The following S100A8 variants were observed in gnomAD, a reference collection of about 807,000 sequenced individuals.
S100A8 encodes protein S100-A8.
Under a neutral mutation model 4.2 loss-of-function variants are expected in S100A8, and 1 was observed. The observed-to-expected ratio is 0.24, with a 90% CI of 0.08 to 1.12. The LOEUF (loss-of-function observed/expected upper bound fraction) is 1.12, where lower values mean the gene tolerates loss of function less well. S100A8 is among the 50% of genes most tolerant of loss of function. The pLI is 0.53. For synonymous variants in S100A8, 41 were observed against 44.7 expected (o/e 0.92, Z 0.33); for missense variants, 96 against 111.8 (o/e 0.86, Z 0.64).
chr1:153,401,622 G>T, the S100A8 span, among the ~76,000 whole-genome samples: 2 of 152,284 alleles, frequency 1.3e-5, no homozygotes, highest in East Asian at 3.9e-4. Flanking sequence ...AAGGAGTAGC[G>T]CTTTCTGGTG....
At chr1:153,397,155 A>C in the S100A8 span, among the ~76,000 whole-genome samples, 1 of 152,240 alleles carries the variant, frequency 6.6e-6, no homozygotes, top group Non-Finnish European at 1.5e-5. Flanking sequence ...GAAACACCCC[A>C]GCCAGGGCTT....
chr1:153,403,019 A>G, the S100A8 span, among the ~76,000 whole-genome samples: 2 of 152,242 alleles, frequency 1.3e-5, no homozygotes, highest in Admixed American at 6.5e-5. Context: ...AAGCTTTTCA[A>G]TACATTTTAC....
chr1:153,400,374 C>G, the S100A8 span, among the ~76,000 whole-genome samples: 1 of 152,124 alleles, frequency 6.6e-6, no homozygotes, highest in Admixed American at 6.5e-5. Context: ...GGGGTCCCCT[C>G]TGCCAACTCA....
At chr1:153,422,061 T>C in the S100A8 span, 3 of 152,372 alleles carry the variant, frequency 2.0e-5, no homozygotes, top group East Asian at 5.8e-4. Context: ...CAGGGACACA[T>C]GTGTGGCATA....
the S100A8 span, among the ~76,000 whole-genome samples, chr1:153,412,230 C>T: frequency 1.8e-4 from 28 of 152,140 alleles, no homozygotes; most frequent in Admixed American, 1.8e-3. Context: ...TTGCAACCTA[C>T]TCATCTGACG....
the S100A8 span, among the ~76,000 whole-genome samples, chr1:153,418,903 G>A: frequency 1.8e-4 from 27 of 152,134 alleles, no homozygotes; most frequent in Non-Finnish European, 3.1e-4. Context: ...TTAACAGAGT[G>A]CCTCGGGACA....
the S100A8 span, chr1:153,420,852 AC>A: frequency 6.7e-6 from 1 of 148,234 alleles, no homozygotes; most frequent in East Asian, 2.0e-4. Flanking sequence ...TCCATCATCC[AC>A]CCCAGAATTG....
At chr1:153,393,773 T>C (rs2101611225), upstream of S100A8, among the ~76,000 whole-genome samples, 1 of 152,344 alleles carries the variant, frequency 6.6e-6, no homozygotes, top group Non-Finnish European at 1.5e-5. Context: ...TTGCATCCAC[T>C]GACTCATTTG....
At chr1:153,411,169 A>C in the S100A8 span, among the ~76,000 whole-genome samples, 1 of 152,226 alleles carries the variant, frequency 6.6e-6, no homozygotes, top group Non-Finnish European at 1.5e-5. Flanking sequence ...GTATTCAATT[A>C]GGAAAAGAGG....
At chr1:153,416,856 T>TTCC in the S100A8 span, among the ~76,000 whole-genome samples, 2 of 152,238 alleles carry the variant, frequency 1.3e-5, no homozygotes, top group African/African-American at 4.8e-5. Flanking sequence ...TCCTGTCTTC[T>TTCC]TCCTCCCTGG....
chr1:153,397,125 G>A, the S100A8 span, among the ~76,000 whole-genome samples: 11 of 152,212 alleles, frequency 7.2e-5, no homozygotes. Flanking sequence ...CTTCACAGCT[G>A]AACTGGAGGC....
chr1:153,413,152 G>A, the S100A8 span, among the ~76,000 whole-genome samples: 6 of 152,012 alleles, frequency 3.9e-5, no homozygotes, highest in Non-Finnish European at 8.8e-5. Flanking sequence ...TTGTAAAAAC[G>A]TTAATTATCT....
At chr1:153,399,181 C>T in the S100A8 span, among the ~76,000 whole-genome samples, 3 of 152,288 alleles carry the variant, frequency 2.0e-5, no homozygotes, top group Non-Finnish European at 2.9e-5. Flanking sequence ...GTGTGAGCCG[C>T]GAACCCACCA....
chr1:153,394,763 C>T (rs1662176166), upstream of S100A8, among the ~76,000 whole-genome samples: 1 of 152,186 alleles, frequency 6.6e-6, no homozygotes, highest in South Asian at 2.1e-4. Flanking sequence ...GAAACAAGGT[C>T]TCCAGCTCAG....
the S100A8 span, among the ~76,000 whole-genome samples, chr1:153,402,207 T>G: frequency 6.6e-6 from 1 of 152,216 alleles, no homozygotes; most frequent in Non-Finnish European, 1.5e-5. Context: ...TGCTGAGCAC[T>G]GCTCCATGGG....
At chr1:153,420,565 C>T in the S100A8 span, 1 of 152,272 alleles carries the variant, frequency 6.6e-6, no homozygotes, top group Non-Finnish European at 1.5e-5. Flanking sequence ...GGAATGACTG[C>T]TCCACTCCAC....
At chr1:153,410,534 C>T in the S100A8 span, among the ~76,000 whole-genome samples, 11 of 152,232 alleles carry the variant, frequency 7.2e-5, no homozygotes, top group South Asian at 2.1e-4. Context: ...AATTCACAAC[C>T]GAATTCTACC....
At chr1:153,397,554 G>A in the S100A8 span, among the ~76,000 whole-genome samples, 1 of 152,212 alleles carries the variant, frequency 6.6e-6, no homozygotes, top group African/African-American at 2.4e-5. Context: ...CCAGAGCACA[G>A]CACGGGGACA....
the S100A8 span, among the ~76,000 whole-genome samples, chr1:153,409,271 G>A: frequency 2.6e-5 from 4 of 152,084 alleles, no homozygotes; most frequent in Admixed American, 1.3e-4. Context: ...CAAAATAAAG[G>A]GATGAAGGAA....
Sources: gnomAD v4.1 joint callset for allele counts (sites outside exome capture counted in the v4.1 genomes callset) on GRCh38, gnomAD v4.1.1 for gene constraint, MANE v1.5 for transcripts, NCBI Gene and HGNC (gene_info 2026-07-23, HGNC 2026-07-21) for gene names.